Variants in IGF1R observed in about 807,000 individuals in gnomAD.
The protein encoded by IGF1R is insulin like growth factor 1 receptor.
Under a neutral mutation model 144.6 loss-of-function variants are expected in IGF1R, and 44 were observed. That is an observed-to-expected ratio of 0.30 (90% confidence interval 0.24 to 0.39). The LOEUF (loss-of-function observed/expected upper bound fraction) is 0.39, where lower values mean the gene tolerates loss of function less well. Ranked by LOEUF, IGF1R falls within the 10% of genes least tolerant of loss-of-function variation. The pLI is 1.00. For synonymous variants in IGF1R, 795 were observed against 722.8 expected (o/e 1.10, Z -1.60); for missense variants, 1,355 against 1,833.7 (o/e 0.74, Z 4.77).
At chr15:98,748,504 T>G (rs1225393488) in intron 2 of IGF1R, among the ~76,000 whole-genome samples, 3 of 152,168 alleles carry the variant, frequency 2.0e-5, no homozygotes, top group Non-Finnish European at 2.9e-5. Flanking sequence ...TTTAATTTCT[T>G]TACTCATTAG....
chr15:98,905,472 A>G (rs2014687540), intron 5 of IGF1R, among the ~76,000 whole-genome samples: 1 of 151,864 alleles, frequency 6.6e-6, no homozygotes, highest in Non-Finnish European at 1.5e-5. Flanking sequence ...CCAGGGCAAC[A>G]TAGTGAGATA....
chr15:98,781,648 A>G (rs1227452171), intron 2 of IGF1R, among the ~76,000 whole-genome samples: 1 of 152,208 alleles, frequency 6.6e-6, no homozygotes, highest in Non-Finnish European at 1.5e-5. Context: ...TTTGGTAAAT[A>G]GTATAAACAA....
intron 2 of IGF1R, among the ~76,000 whole-genome samples, chr15:98,790,457 C>T (rs2056103946): frequency 6.6e-6 from 1 of 152,156 alleles, no homozygotes; most frequent in African/African-American, 2.4e-5. Flanking sequence ...ATCTCAAATG[C>T]AGTTTGCACT....
intron 6 of IGF1R, 75 bp from the exon 7 acceptor site, chr15:98,911,240 G>C: frequency 6.4e-7 from 1 of 1,567,412 alleles, no homozygotes; most frequent in Non-Finnish European, 8.8e-7. Context: ...GAAGGGGGAA[G>C]CAGTGCCAAG....
At chr15:98,886,070 G>A (rs2013625916) in intron 2 of IGF1R, among the ~76,000 whole-genome samples, 2 of 151,884 alleles carry the variant, frequency 1.3e-5, no homozygotes, top group South Asian at 2.1e-4. Context: ...TGCCCGCCTC[G>A]GCCTCCCAAA....
chr15:98,753,380 CTTTTTTTTTTTTTT>C (rs1173073572), intron 2 of IGF1R, among the ~76,000 whole-genome samples: 1 of 60,286 alleles, frequency 1.7e-5, no homozygotes, highest in South Asian at 7.7e-4. Context: ...CCATACCTGG[CTTTTTTTTTTTTTT>C]TTTTTTTTTT....
intron 7 of IGF1R, 103 bp downstream of exon 7, chr15:98,911,544 C>T: frequency 2.0e-6 from 3 of 1,489,570 alleles, no homozygotes; most frequent in South Asian, 1.1e-5. Flanking sequence ...AGGGGGTCAG[C>T]AGAGTCCCCA....
intron 2 of IGF1R, among the ~76,000 whole-genome samples, chr15:98,858,558 C>T (rs932039328): frequency 6.6e-6 from 1 of 152,214 alleles, no homozygotes; most frequent in African/African-American, 2.4e-5. Flanking sequence ...GAAATAACAT[C>T]AATCCACCCA....
At chr15:98,697,100 T>G (rs979846718) in intron 1 of IGF1R, among the ~76,000 whole-genome samples, 3 of 151,500 alleles carry the variant, frequency 2.0e-5, no homozygotes, top group African/African-American at 7.3e-5. Context: ...AGAGTGGGAG[T>G]GATCATTGAA....
intron 1 of IGF1R, among the ~76,000 whole-genome samples, chr15:98,696,402 TA>T (rs1405786840): frequency 6.6e-6 from 1 of 152,230 alleles, no homozygotes; most frequent in Non-Finnish European, 1.5e-5. Flanking sequence ...CTTTGTAGGG[TA>T]AATTGAACAT....
chr15:98,731,459 T>A (rs1469391908), intron 2 of IGF1R, among the ~76,000 whole-genome samples: 1 of 152,234 alleles, frequency 6.6e-6, no homozygotes, highest in Admixed American at 6.5e-5. Context: ...CTTGTTTCTG[T>A]CTCTCAGTGA....
At chr15:98,923,770 A>G in intron 11 of IGF1R, 106 bp from the exon 12 acceptor site, 1 of 920,462 alleles carries the variant, frequency 1.1e-6, no homozygotes, top group Non-Finnish European at 1.8e-6. Context: ...GCTGATCTCC[A>G]CTGTCCTGCC....
At chr15:98,655,315 T>A (rs1280937032) in intron 1 of IGF1R, among the ~76,000 whole-genome samples, 1 of 152,252 alleles carries the variant, frequency 6.6e-6, no homozygotes, top group Admixed American at 6.5e-5. Context: ...ATTTTGAGAC[T>A]TTTGGACTTT....
chr15:98,884,876 T>TTGC (rs1480402668), intron 2 of IGF1R, among the ~76,000 whole-genome samples: 7 of 152,038 alleles, frequency 4.6e-5, no homozygotes, highest in African/African-American at 1.7e-4. Flanking sequence ...CAAACTCCTA[T>TTGC]TGCTGGATTA....
Position 98,716,819 on chromosome 15 carries a change from A to G in IGF1R, c.640+8712A>G, listed in dbSNP as rs143652137. Among the ~76,000 whole-genome samples, 446 of 152,162 alleles carry G rather than the reference A, an allele frequency of 2.9e-3. 3 individuals carry two copies. Among genetic ancestry groups the G allele is most frequent in the African/African-American group, 0.01 (427 of 41,504 alleles). ...CAGGGAAGGTGACCATCCAGGTTAG[A>G]TCACTTCTTCTGCGGGGTCAGCTTG... On this transcript the variant is annotated intron_variant, in intron 2 of 20. Coordinates refer to ENST00000650285, the MANE Select transcript of IGF1R (RefSeq NM_000875.5).
chr15:98,824,696 T>G lies in IGF1R; in HGVS notation c.641-66629T>G, dbSNP rs146365753. Among the ~76,000 whole-genome samples the G allele has an allele frequency of 2.7e-3, 411 of 152,348 alleles. 2 individuals carry two copies. Among genetic ancestry groups the G allele is most frequent in the African/African-American group, 9.6e-3 (399 of 41,572 alleles). Reference sequence around the variant, plus strand: ...GTTCTCCCACTTGCTCGGCATTCTTTCCCATGCTTTTTCCTTGATCATCAC... The same window carrying G: ...GTTCTCCCACTTGCTCGGCATTCTTGCCCATGCTTTTTCCTTGATCATCAC... On this transcript the variant is annotated intron_variant, in intron 2 of 20. Coordinates refer to ENST00000650285, the MANE Select transcript of IGF1R (RefSeq NM_000875.5).
rs1188109721 is a variant in IGF1R at position 98,880,538 on chromosome 15, C to A, written c.641-10787C>A. 4 of 152,230 alleles carry A rather than the reference C, an allele frequency of 2.6e-5. No individual in the cohort carries two copies. The East Asian group carries it at 7.7e-4, about 29-fold the overall frequency. 9.4% of individuals were successfully genotyped at this position (152,230 alleles called of 1,614,324 possible). ...AAACCTTGTGGCATGCCTTCTGTCC[C>A]AGACAGTGAGAATCTACTTGGAACT... On this transcript the variant is annotated intron_variant, in intron 2 of 20. Transcript: ENST00000650285.
At chr15:98,793,243 G>A (rs1293212505) in intron 2 of IGF1R, among the ~76,000 whole-genome samples, 1 of 152,110 alleles carries the variant, frequency 6.6e-6, no homozygotes, top group Non-Finnish European at 1.5e-5. Flanking sequence ...GTGAAAATTA[G>A]CAAATAGCAA....
intron 1 of IGF1R, among the ~76,000 whole-genome samples, chr15:98,699,228 C>T (rs778902583): frequency 3.3e-5 from 5 of 152,188 alleles, no homozygotes; most frequent in Admixed American, 6.5e-5. Context: ...AGGGTGCTGT[C>T]TCATGCACAG....
Sources: gnomAD v4.1 joint callset for allele counts (sites outside exome capture counted in the v4.1 genomes callset) on GRCh38, gnomAD v4.1.1 for gene constraint, MANE v1.5 for transcripts, NCBI Gene and HGNC (gene_info 2026-07-23, HGNC 2026-07-21) for gene names.